The following VAT1L variants were observed in gnomAD, a reference collection of about 807,000 sequenced individuals.
VAT1L encodes putative NADPH-dependent quinone oxidoreductase VAT1L.
Under a neutral mutation model 44.1 loss-of-function variants are expected in VAT1L, and 34 were observed. The observed-to-expected ratio is 0.77, with a 90% confidence interval of 0.59 to 1.03. The LOEUF is 1.03. Among genes scored for constraint, VAT1L ranks in the 50% least tolerant of loss-of-function variants. VAT1L has a pLI of 0.00. For missense variants in VAT1L, 615 were observed against 538.8 expected, an observed-to-expected ratio of 1.14 and a Z score of -1.40; for synonymous variants, 253 against 202.2, an observed-to-expected ratio of 1.25 and a Z score of -2.13.
chr16:77,966,440 G>A (rs1651901), intron 7 of VAT1L, among the ~76,000 whole-genome samples: 149,043 of 152,196 alleles, frequency 0.98, 73,050 homozygotes, highest in Middle Eastern at 1. Flanking sequence ...CACTCCAGGA[G>A]GGGACCCAGG....
intron 1 of VAT1L, among the ~76,000 whole-genome samples, chr16:77,812,951 G>A (rs1039425487): frequency 6.6e-6 from 1 of 152,104 alleles, no homozygotes; most frequent in African/African-American, 2.4e-5. Flanking sequence ...AGAACTTTAT[G>A]TCAGGCACTT....
At chr16:77,800,816 T>G (rs2016034356) in intron 1 of VAT1L, 1 of 152,180 alleles carries the variant, frequency 6.6e-6, no homozygotes, top group African/African-American at 2.4e-5. Flanking sequence ...ATTTCACTAT[T>G]ATCATAATAG....
At chr16:77,868,331 G>A (rs1013637582) in intron 4 of VAT1L, among the ~76,000 whole-genome samples, 5 of 152,268 alleles carry the variant, frequency 3.3e-5, no homozygotes, top group Middle Eastern at 6.8e-3. Context: ...ATATTAGTGA[G>A]GCCTACAAAC....
chr16:77,833,254 C>A (rs574438290), intron 3 of VAT1L, among the ~76,000 whole-genome samples: 1 of 152,110 alleles, frequency 6.6e-6, no homozygotes, highest in South Asian at 2.1e-4. Flanking sequence ...GCGTATAAAT[C>A]AAATAGTCAC....
intron 1 of VAT1L, among the ~76,000 whole-genome samples, chr16:77,807,288 G>A (rs551754406): frequency 6.6e-6 from 1 of 152,276 alleles, no homozygotes; most frequent in South Asian, 2.1e-4. Flanking sequence ...CAGGAATGAT[G>A]GCAGCTGACA....
intron 6 of VAT1L, among the ~76,000 whole-genome samples, chr16:77,881,555 A>G (rs2017155856): frequency 6.6e-6 from 1 of 152,246 alleles, no homozygotes; most frequent in African/African-American, 2.4e-5. Flanking sequence ...TAAGTATGGC[A>G]CTATGTGCTA....
At chr16:77,892,703 C>A in intron 7 of VAT1L, 2 of 734,158 alleles carry the variant, frequency 2.7e-6, no homozygotes, top group South Asian at 2.7e-5. Flanking sequence ...GCATATAGGT[C>A]CTGGCATCTG....
At chr16:77,867,276 G>T (rs1056731888) in intron 4 of VAT1L, among the ~76,000 whole-genome samples, 1 of 152,040 alleles carries the variant, frequency 6.6e-6, no homozygotes, top group East Asian at 1.9e-4. Context: ...GGTGATGAGG[G>T]TTTCACAGGT....
intron 7 of VAT1L, among the ~76,000 whole-genome samples, chr16:77,935,666 G>T (rs1437242434): frequency 6.6e-6 from 1 of 152,078 alleles, no homozygotes; most frequent in African/African-American, 2.4e-5. Context: ...GTGGGAAAGA[G>T]GTTCAGACTG....
chr16:77,951,329 T>A (rs928503276), intron 7 of VAT1L, among the ~76,000 whole-genome samples: 1 of 152,170 alleles, frequency 6.6e-6, no homozygotes, highest in Non-Finnish European at 1.5e-5. Context: ...GCAGACCACT[T>A]GAGGTCAGGA....
intron 8 of VAT1L, among the ~76,000 whole-genome samples, chr16:77,976,474 C>A (rs1423662853): frequency 2.0e-5 from 3 of 152,234 alleles, no homozygotes; most frequent in East Asian, 3.9e-4. Flanking sequence ...AACCCAGCTT[C>A]AGGTGAGACA....
At chr16:77,951,859 A>G (rs767059491) in intron 7 of VAT1L, among the ~76,000 whole-genome samples, 1 of 151,916 alleles carries the variant, frequency 6.6e-6, no homozygotes, top group Non-Finnish European at 1.5e-5. Flanking sequence ...AAAAACACGA[A>G]AAAACAAACT....
chr16:77,893,667 T>C (rs1392697572), intron 7 of VAT1L, among the ~76,000 whole-genome samples: 1 of 152,236 alleles, frequency 6.6e-6, no homozygotes, highest in African/African-American at 2.4e-5. Flanking sequence ...CTTTATGTAT[T>C]AACTGATCTA....
chr16:77,927,216 T>C (rs145471972), intron 7 of VAT1L, among the ~76,000 whole-genome samples: 1,901 of 151,664 alleles, frequency 0.013, 41 homozygotes, highest in African/African-American at 0.044. Context: ...CGGGCACCTG[T>C]AGTCCCAGCT....
At chr16:77,959,845 CTT>C (rs2018143014) in intron 7 of VAT1L, among the ~76,000 whole-genome samples, 1 of 152,168 alleles carries the variant, frequency 6.6e-6, no homozygotes, top group Admixed American at 6.5e-5. Flanking sequence ...CATGGAAACT[CTT>C]TGGAATGTAG....
chr16:77,873,589 A>G (rs930009667), intron 4 of VAT1L, among the ~76,000 whole-genome samples: 4 of 152,226 alleles, frequency 2.6e-5, no homozygotes, highest in African/African-American at 7.2e-5. Flanking sequence ...CAGCACAAAC[A>G]TGGTCCAAGG....
chr16:77,948,844 A>G (rs1231842290), intron 7 of VAT1L, among the ~76,000 whole-genome samples: 3 of 152,184 alleles, frequency 2.0e-5, no homozygotes, highest in Non-Finnish European at 2.9e-5. Context: ...CATGAGGATA[A>G]TTATGGTACA....
intron 3 of VAT1L, among the ~76,000 whole-genome samples, chr16:77,854,381 T>C (rs540605993): frequency 6.6e-6 from 1 of 152,300 alleles, no homozygotes; most frequent in Admixed American, 6.5e-5. Flanking sequence ...GAATAGTCTT[T>C]GCTGCCTTTG....
At chr16:77,830,632 A>G (rs2016568908) in intron 3 of VAT1L, among the ~76,000 whole-genome samples, 1 of 152,144 alleles carries the variant, frequency 6.6e-6, no homozygotes, top group African/African-American at 2.4e-5. Flanking sequence ...TTTGCCTTCC[A>G]CCATGATTAG....
Sources: gnomAD v4.1 joint callset for allele counts (sites outside exome capture counted in the v4.1 genomes callset) on GRCh38, gnomAD v4.1.1 for gene constraint, MANE v1.5 for transcripts, NCBI Gene and HGNC (gene_info 2026-07-23, HGNC 2026-07-21) for gene names.